The following CLSTN2 variants were observed in gnomAD, a reference collection of about 807,000 sequenced individuals.
CLSTN2 encodes the protein calsyntenin-2.
In CLSTN2, 48 loss-of-function variants were observed where a neutral mutation model predicts 101.2. The observed-to-expected ratio is 0.47, with a 90% CI of 0.38 to 0.60. The LOEUF is 0.60. Ranked by LOEUF, CLSTN2 falls within the 20% of genes least tolerant of loss-of-function variation. The pLI is 0.00. For synonymous variants in CLSTN2, 481 were observed against 463.6 expected, an observed-to-expected ratio of 1.04 and a Z score of -0.48; for missense variants, 1,160 against 1,238.2, an observed-to-expected ratio of 0.94 and a Z score of 0.95.
intron 9 of CLSTN2, among the ~76,000 whole-genome samples, chr3:140,535,490 A>G (rs920691137): frequency 6.6e-5 from 10 of 152,240 alleles, no homozygotes; most frequent in African/African-American, 2.4e-4. Context: ...CTTTCAAAGA[A>G]CACAGTAGAA....
At chr3:140,102,599 A>G (rs1204449595) in intron 1 of CLSTN2, among the ~76,000 whole-genome samples, 1 of 152,230 alleles carries the variant, frequency 6.6e-6, no homozygotes, top group East Asian at 1.9e-4. Flanking sequence ...GCAGACAACT[A>G]AAACTCAATT....
intron 2 of CLSTN2, among the ~76,000 whole-genome samples, chr3:140,324,088 CA>C: frequency 6.6e-6 from 1 of 152,290 alleles, no homozygotes; most frequent in Non-Finnish European, 1.5e-5. Context: ...AGGGTAGGGA[CA>C]TGATATTTTG....
At chr3:140,005,974 C>T (rs1474221545) in intron 1 of CLSTN2, among the ~76,000 whole-genome samples, 2 of 152,222 alleles carry the variant, frequency 1.3e-5, no homozygotes, top group African/African-American at 4.8e-5. Flanking sequence ...ATATTGTATA[C>T]TTGATCTCAT....
At chr3:140,304,685 C>T (rs578143193) in intron 2 of CLSTN2, among the ~76,000 whole-genome samples, 1 of 152,280 alleles carries the variant, frequency 6.6e-6, no homozygotes, top group East Asian at 1.9e-4. Context: ...GAAGATGACT[C>T]TCCAGGGCTG....
chr3:140,038,542 T>C (rs2007703478), intron 1 of CLSTN2, among the ~76,000 whole-genome samples: 1 of 152,186 alleles, frequency 6.6e-6, no homozygotes, highest in Non-Finnish European at 1.5e-5. Flanking sequence ...CGCTGTTTAG[T>C]TTAACTAGAC....
intron 2 of CLSTN2, among the ~76,000 whole-genome samples, chr3:140,275,849 A>G (rs570637905): frequency 3.9e-5 from 6 of 152,324 alleles, no homozygotes; most frequent in African/African-American, 1.4e-4. Context: ...GACTGAGGTC[A>G]ATGTGGACTG....
chr3:140,180,798 G>T (rs973284535), intron 2 of CLSTN2, among the ~76,000 whole-genome samples: 5 of 152,178 alleles, frequency 3.3e-5, no homozygotes, highest in African/African-American at 9.6e-5. Flanking sequence ...TGCCTGGGAC[G>T]TGATTTGGCC....
At chr3:140,288,675 A>G (rs527457073) in intron 2 of CLSTN2, among the ~76,000 whole-genome samples, 14 of 152,260 alleles carry the variant, frequency 9.2e-5, no homozygotes, top group South Asian at 4.1e-4. Context: ...CCTGCTTCCC[A>G]CCAACACCAC....
chr3:140,066,402 G>C (rs1473612259), intron 1 of CLSTN2, among the ~76,000 whole-genome samples: 14 of 152,172 alleles, frequency 9.2e-5, no homozygotes, highest in Admixed American at 9.2e-4. Flanking sequence ...CAAACCCTTT[G>C]CTCCAGTATT....
chr3:140,352,267 C>T (rs140269152), intron 2 of CLSTN2, among the ~76,000 whole-genome samples: 4 of 152,310 alleles, frequency 2.6e-5, no homozygotes, highest in South Asian at 2.1e-4. Flanking sequence ...GGGCTACAGA[C>T]GAATCCACAA....
chr3:139,983,844 T>G (rs186330750), intron 1 of CLSTN2, among the ~76,000 whole-genome samples: 2 of 152,316 alleles, frequency 1.3e-5, no homozygotes, highest in Non-Finnish European at 1.5e-5. Flanking sequence ...AATAGTATAT[T>G]ATTAACTTTG....
At chr3:140,099,142 A>C (rs1038772102) in intron 1 of CLSTN2, among the ~76,000 whole-genome samples, 2 of 152,206 alleles carry the variant, frequency 1.3e-5, no homozygotes, top group African/African-American at 4.8e-5. Context: ...AGAGTGAAAG[A>C]GTAGTTGTCA....
intron 4 of CLSTN2, among the ~76,000 whole-genome samples, chr3:140,408,776 A>G (rs1298339126): frequency 1.3e-5 from 2 of 152,216 alleles, no homozygotes; most frequent in East Asian, 3.8e-4. Context: ...CCTGGGCTCC[A>G]GCCAAATATC....
intron 1 of CLSTN2, among the ~76,000 whole-genome samples, chr3:139,960,689 T>C (rs1178342359): frequency 6.6e-6 from 1 of 152,214 alleles, no homozygotes; most frequent in African/African-American, 2.4e-5. Context: ...ACCATGGAGA[T>C]AGGTTCAACC....
Position 140,129,369 on chromosome 3 carries a change from T to C in CLSTN2, c.110-46582T>C, listed in dbSNP as rs537324630. Among the ~76,000 whole-genome samples the C allele has an allele frequency of 1.3e-4, 20 of 152,284 alleles. No homozygotes were observed. In the South Asian group the frequency reaches 4.1e-3, roughly 32 times the overall value. On this transcript the variant is annotated intron_variant, in intron 1 of 16. Coordinates refer to ENST00000458420, the MANE Select transcript of CLSTN2 (RefSeq NM_022131.3). Reference sequence around the variant, plus strand: ...CCGCAGAAAAATTACTAGCAAGGACTCTTAGGTCAGGTGGACCTAAGTTCA... The same window carrying C: ...CCGCAGAAAAATTACTAGCAAGGACCCTTAGGTCAGGTGGACCTAAGTTCA...
chr3:140,078,338 A>G (rs1171630590), intron 1 of CLSTN2, among the ~76,000 whole-genome samples: 2 of 152,212 alleles, frequency 1.3e-5, no homozygotes, highest in Non-Finnish European at 2.9e-5. Flanking sequence ...TGGTCAATGC[A>G]CGGTATCTGG....
chr3:140,262,449 A>G (rs998202500), intron 2 of CLSTN2, among the ~76,000 whole-genome samples: 37 of 151,724 alleles, frequency 2.4e-4, no homozygotes, highest in African/African-American at 8.7e-4. Flanking sequence ...AGAAAGTTAA[A>G]GATGTTCGAA....
chr3:140,519,222 A>G (rs953065435), intron 8 of CLSTN2, among the ~76,000 whole-genome samples: 6 of 152,224 alleles, frequency 3.9e-5, no homozygotes, highest in African/African-American at 1.4e-4. Context: ...GTTCTTTTGC[A>G]TTCACTGAGG....
At chr3:140,014,467 C>T (rs189310788) in intron 1 of CLSTN2, among the ~76,000 whole-genome samples, 102 of 152,212 alleles carry the variant, frequency 6.7e-4, no homozygotes, top group Admixed American at 5.4e-3. Context: ...AATCCACCCA[C>T]CTTGGCCTCC....
Sources: gnomAD v4.1 joint callset for allele counts (sites outside exome capture counted in the v4.1 genomes callset) on GRCh38, gnomAD v4.1.1 for gene constraint, MANE v1.5 for transcripts, NCBI Gene and HGNC (gene_info 2026-07-23, HGNC 2026-07-21) for gene names.